The following SDK1 variants were observed in gnomAD, a reference collection of about 807,000 sequenced individuals.
SDK1 encodes sidekick cell adhesion molecule 1.
SDK1 carries 157 observed loss-of-function variants against 245.5 expected under a neutral mutation model. The ratio of observed to expected loss-of-function variants is 0.64; its 90% CI spans 0.56 to 0.73. The LOEUF is 0.73. Among genes scored for constraint, SDK1 ranks in the 30% least tolerant of loss-of-function variants. The probability of loss-of-function intolerance (pLI) is 0.00; values close to 1 mark genes in which losing one functional copy is unlikely to be tolerated. For synonymous variants in SDK1, 1,647 were observed against 1,278.5 expected (o/e 1.29, Z -6.15); for missense variants, 3,583 against 3,002.3 (o/e 1.19, Z -4.52).
At chr7:3,348,608 A>G (rs2128557046) in intron 1 of SDK1, among the ~76,000 whole-genome samples, 1 of 152,284 alleles carries the variant, frequency 6.6e-6, no homozygotes, top group South Asian at 2.1e-4. Context: ...TATGCCCACT[A>G]CCTGGGCTAT....
intron 1 of SDK1, among the ~76,000 whole-genome samples, chr7:3,306,122 A>G (rs1268537903): frequency 1.3e-5 from 2 of 152,226 alleles, no homozygotes; most frequent in Admixed American, 6.5e-5. Flanking sequence ...ACCAAAGGGA[A>G]AGACGGTGGT....
intron 1 of SDK1, among the ~76,000 whole-genome samples, chr7:3,487,003 C>A (rs1423669773): frequency 1.3e-5 from 2 of 152,178 alleles, no homozygotes; most frequent in Non-Finnish European, 2.9e-5. Context: ...CAGAGGTTGG[C>A]AATTTTTTCT....
chr7:3,988,909 C>G (rs898008486), intron 14 of SDK1, among the ~76,000 whole-genome samples: 23 of 152,058 alleles, frequency 1.5e-4, no homozygotes, highest in African/African-American at 4.1e-4. Flanking sequence ...GTAGCTGGGA[C>G]TACAGGCACC....
intron 4 of SDK1, among the ~76,000 whole-genome samples, chr7:3,716,389 G>C (rs748779709): frequency 3.9e-5 from 6 of 152,108 alleles, no homozygotes; most frequent in African/African-American, 9.7e-5. Context: ...TGAAAGCTAA[G>C]GAAAAATTAG....
chr7:4,063,147 A>T (rs1391098927), intron 19 of SDK1, among the ~76,000 whole-genome samples: 1 of 152,216 alleles, frequency 6.6e-6, no homozygotes, highest in South Asian at 2.1e-4. Context: ...TAAATTGGAA[A>T]AGAGGAAGTC....
At chr7:3,530,978 T>G (rs1783325405) in intron 1 of SDK1, among the ~76,000 whole-genome samples, 1 of 152,246 alleles carries the variant, frequency 6.6e-6, no homozygotes, top group Admixed American at 6.5e-5. Context: ...TGAATTTTCA[T>G]TGATTTGGAA....
intron 1 of SDK1, among the ~76,000 whole-genome samples, chr7:3,582,714 C>T (rs1780548273): frequency 7.8e-6 from 1 of 127,508 alleles, no homozygotes; most frequent in South Asian, 2.6e-4. Flanking sequence ...AAAAAAGGTA[C>T]CATCAGGGCT....
At chr7:4,036,059 C>A (rs191253146) in intron 17 of SDK1, among the ~76,000 whole-genome samples, 13 of 152,216 alleles carry the variant, frequency 8.5e-5, no homozygotes, top group Admixed American at 4.6e-4. Context: ...TTTTCTACAC[C>A]GGATTTTATT....
intron 4 of SDK1, among the ~76,000 whole-genome samples, chr7:3,796,630 C>T (rs1226154632): frequency 1.3e-5 from 2 of 152,224 alleles, no homozygotes; most frequent in African/African-American, 4.8e-5. Flanking sequence ...TTGGCTCAAG[C>T]CAACATCTCT....
chr7:4,173,996 C>CCACACACATG (rs1248054924), intron 32 of SDK1, among the ~76,000 whole-genome samples: 3 of 152,190 alleles, frequency 2.0e-5, no homozygotes, highest in African/African-American at 7.2e-5. Context: ...GCTGATGTCC[C>CCACACACATG]CACACACATG....
intron 1 of SDK1, among the ~76,000 whole-genome samples, chr7:3,486,026 A>T (rs1047800836): frequency 6.6e-6 from 1 of 151,990 alleles, no homozygotes; most frequent in African/African-American, 2.4e-5. Flanking sequence ...TATTGGTTTT[A>T]TCTATTTTTT....
intron 12 of SDK1, 35 bp from the exon 13 acceptor site, chr7:3,974,334 G>C (rs763400794): frequency 1.3e-6 from 2 of 1,582,768 alleles, no homozygotes; most frequent in Non-Finnish European, 1.7e-6. Context: ...GTCACTGTGG[G>C]GTTTGTAACT....
intron 5 of SDK1, among the ~76,000 whole-genome samples, chr7:3,835,285 C>G (rs538409374): frequency 6.6e-6 from 1 of 152,254 alleles, no homozygotes; most frequent in South Asian, 2.1e-4. Context: ...CCTCAATTAT[C>G]GACTCATGTT....
At chr7:3,957,998 C>G (rs1215824544) in intron 7 of SDK1, 2 of 470,624 alleles carry the variant, frequency 4.2e-6, no homozygotes, top group Non-Finnish European at 4.4e-6. Flanking sequence ...TTAATCGTTT[C>G]TTTGAAATGC....
chr7:3,539,728 G>T (rs575563450), intron 1 of SDK1, among the ~76,000 whole-genome samples: 1 of 152,244 alleles, frequency 6.6e-6, no homozygotes, highest in African/African-American at 2.4e-5. Flanking sequence ...ATCAGGGTGA[G>T]TAGTGGAAAT....
chr7:4,071,079 G>C (rs967936748), intron 20 of SDK1, among the ~76,000 whole-genome samples: 22 of 151,970 alleles, frequency 1.4e-4, no homozygotes, highest in African/African-American at 4.8e-4. Context: ...AGGTTGGAGT[G>C]CAGTGGTGTG....
Position 3,658,325 on chromosome 7 carries a change from A to G in SDK1, c.713+16220A>G, listed in dbSNP as rs572424448. The stretch of plus-strand genomic sequence containing the variant: ...TTGCTTCCAAGTGACAGCCCCTAAT[A>G]TCGAGGTCATCCTTCATTTATTCTT... On this transcript the variant is annotated intron_variant, in intron 4 of 44. Transcript: ENST00000404826. 8.5e-5 allele frequency among the ~76,000 whole-genome samples: 13 copies of G among 152,254 alleles called. No homozygotes were observed. The South Asian group carries it at 1.7e-3, about 19-fold the overall frequency.
intron 5 of SDK1, among the ~76,000 whole-genome samples, chr7:3,870,680 C>G (rs982267609): frequency 6.6e-6 from 1 of 152,148 alleles, no homozygotes; most frequent in African/African-American, 2.4e-5. Context: ...GTAACATTAA[C>G]TTTGTATATA....
chr7:3,578,990 T>TA (rs1468772551), intron 1 of SDK1, among the ~76,000 whole-genome samples: 4 of 151,998 alleles, frequency 2.6e-5, no homozygotes, highest in Non-Finnish European at 4.4e-5. Context: ...AGAGTATTAT[T>TA]AGGGAAGTGA....
Sources: allele counts gnomAD v4.1 joint callset (sites outside exome capture counted in the v4.1 genomes callset), GRCh38; gene constraint gnomAD v4.1.1; transcripts MANE v1.5; gene names NCBI Gene and HGNC (gene_info 2026-07-23, HGNC 2026-07-21).